Variants in PLPPR1 observed in about 807,000 individuals in gnomAD.
PLPPR1 encodes phospholipid phosphatase-related protein type 1.
PLPPR1 carries 10 observed loss-of-function variants against 33.1 expected under a neutral mutation model. The ratio of observed to expected loss-of-function variants is 0.30; its 90% CI spans 0.19 to 0.51. The LOEUF (loss-of-function observed/expected upper bound fraction) is 0.51, where lower values mean the gene tolerates loss of function less well. PLPPR1 is among the 20% of genes least tolerant of loss of function. The pLI, the probability that PLPPR1 is intolerant of heterozygous loss-of-function variation, is 0.97. For synonymous variants in PLPPR1, 151 were observed against 151.0 expected, an observed-to-expected ratio of 1.00 and a Z score of 0.00; for missense variants, 304 against 408.1, an observed-to-expected ratio of 0.74 and a Z score of 2.20.
chr9:101,152,711 A>ATG (rs201264665), intron 1 of PLPPR1, among the ~76,000 whole-genome samples: 22,063 of 151,814 alleles, frequency 0.15, 1,749 homozygotes, highest in East Asian at 0.3. Context: ...ATGGTGGTAG[A>ATG]TGTGTGGTAT....
chr9:101,079,264 T>C (rs984858642), intron 1 of PLPPR1, among the ~76,000 whole-genome samples: 1 of 152,218 alleles, frequency 6.6e-6, no homozygotes, highest in African/African-American at 2.4e-5. Context: ...CCCTTTGCTG[T>C]CATCCTGGAG....
chr9:101,130,906 G>C (rs1831306479), intron 1 of PLPPR1, among the ~76,000 whole-genome samples: 1 of 152,144 alleles, frequency 6.6e-6, no homozygotes, highest in African/African-American at 2.4e-5. Flanking sequence ...TATGAGCTCA[G>C]CCTCTTACTA....
intron 2 of PLPPR1, among the ~76,000 whole-genome samples, chr9:101,250,672 G>A (rs887523916): frequency 1.8e-4 from 27 of 151,976 alleles, no homozygotes; most frequent in Non-Finnish European, 3.4e-4. Flanking sequence ...CACTAACCCT[G>A]CCTCCTTGCT....
intron 1 of PLPPR1, among the ~76,000 whole-genome samples, chr9:101,121,856 T>C (rs1831181601): frequency 6.6e-6 from 1 of 152,204 alleles, no homozygotes; most frequent in African/African-American, 2.4e-5. Flanking sequence ...GTATCTACTC[T>C]TCTTTAGATA....
At chr9:101,128,444 T>G (rs1285388500) in intron 1 of PLPPR1, among the ~76,000 whole-genome samples, 1 of 152,236 alleles carries the variant, frequency 6.6e-6, no homozygotes, top group African/African-American at 2.4e-5. Flanking sequence ...TCTTGTCATA[T>G]TTGAACCAAT....
At chr9:101,120,600 CCTT>C (rs747044462) in intron 1 of PLPPR1, among the ~76,000 whole-genome samples, 1 of 152,152 alleles carries the variant, frequency 6.6e-6, no homozygotes, top group Non-Finnish European at 1.5e-5. Flanking sequence ...AGTGCCATCT[CCTT>C]CTTTTATCTT....
At chr9:101,217,097 T>C (rs1229543154) in intron 2 of PLPPR1, among the ~76,000 whole-genome samples, 2 of 152,144 alleles carry the variant, frequency 1.3e-5, no homozygotes, top group African/African-American at 4.8e-5. Context: ...TACATTAAAA[T>C]TAATGCTGTG....
At chr9:101,125,142 C>G (rs1328757650) in intron 1 of PLPPR1, among the ~76,000 whole-genome samples, 2 of 151,038 alleles carry the variant, frequency 1.3e-5, no homozygotes, top group Admixed American at 1.3e-4. Context: ...TATTGCTAGT[C>G]TTTGCTTTTG....
intron 1 of PLPPR1, among the ~76,000 whole-genome samples, chr9:101,031,598 T>C (rs1829946643): frequency 6.6e-6 from 1 of 152,166 alleles, no homozygotes; most frequent in Non-Finnish European, 1.5e-5. Flanking sequence ...AAGTAAAAAA[T>C]GGTCCCAATC....
intron 2 of PLPPR1, among the ~76,000 whole-genome samples, chr9:101,262,069 T>G (rs1414318944): frequency 1.3e-5 from 2 of 152,144 alleles, no homozygotes; most frequent in Non-Finnish European, 2.9e-5. Flanking sequence ...TGCCCATTAG[T>G]TTTTAGAAAC....
intron 2 of PLPPR1, among the ~76,000 whole-genome samples, chr9:101,239,729 G>A (rs200498541): frequency 2.0e-5 from 3 of 151,682 alleles, no homozygotes; most frequent in Non-Finnish European, 2.9e-5. Context: ...ATGTCTATTC[G>A]GATCATTTGT....
At chr9:101,266,411 AG>A (rs1014890750) in intron 2 of PLPPR1, among the ~76,000 whole-genome samples, 2,632 of 148,248 alleles carry the variant, frequency 0.018, 99 homozygotes, top group African/African-American at 0.059. Context: ...AAAAAAAGAA[AG>A]AAAGAAAGAA....
chr9:101,317,397 G>C lies in PLPPR1; in HGVS notation c.846G>C (p.Thr282=), dbSNP rs533546396. The C allele has an allele frequency of 2.5e-6, 4 of 1,614,014 alleles. No homozygotes were observed. Among genetic ancestry groups the C allele is most frequent in the Non-Finnish European group, 3.4e-6 (4 of 1,179,974 alleles). Residue 282 remains threonine, a synonymous_variant, in exon 7 of 8, where the codon ACG becomes ACC. Coordinates refer to ENST00000374874, the MANE Select transcript of PLPPR1 (RefSeq NM_207299.2). ...GMCVVHNFKG[T]QGSPSKPKPE... ...GTGTGGTTCATAACTTTAAAGGAAC[G>C]CAAGGATCTCCTTCCAAACCCAAGC...
At chr9:101,167,141 G>GGGGTGTGTGTGTGT (rs1297322438) in intron 1 of PLPPR1, among the ~76,000 whole-genome samples, 1 of 39,648 alleles carries the variant, frequency 2.5e-5, no homozygotes. Flanking sequence ...TATGTCTCTC[G>GGGGTGTGTGTGTGT]GTGTGTGTGT....
At chr9:101,061,317 T>A (rs2094274084) in intron 1 of PLPPR1, among the ~76,000 whole-genome samples, 1 of 151,974 alleles carries the variant, frequency 6.6e-6, no homozygotes, top group Admixed American at 6.6e-5. Context: ...TTCATCCCAT[T>A]AACTTTCATT....
At chr9:101,098,812 G>C (rs1830855494) in intron 1 of PLPPR1, among the ~76,000 whole-genome samples, 1 of 152,146 alleles carries the variant, frequency 6.6e-6, no homozygotes, top group Admixed American at 6.6e-5. Context: ...TTGTGGTCTT[G>C]GTTCATTAAT....
chr9:101,100,697 C>CGTGTGTGTGTGTGTGTGTGT (rs56760066), intron 1 of PLPPR1, among the ~76,000 whole-genome samples: 2 of 146,824 alleles, frequency 1.4e-5, no homozygotes, highest in Admixed American at 1.4e-4. Context: ...CTCTTTGTTC[C>CGTGTGTGTGTGTGTGTGTGT]GTGTGTGTGT....
At chr9:101,179,301 A>G (rs1826064457) in intron 1 of PLPPR1, among the ~76,000 whole-genome samples, 2 of 152,120 alleles carry the variant, frequency 1.3e-5, no homozygotes, top group African/African-American at 4.8e-5. Flanking sequence ...AAAAAGCACA[A>G]CCTGCTGAGT....
rs190271192 is a variant in PLPPR1, at chr9:101,039,045, G to T, written c.-46+9943G>T. 1.5e-4 allele frequency among the ~76,000 whole-genome samples: 23 copies of T among 152,228 alleles called. No individual in the cohort carries two copies. In the East Asian group the frequency reaches 4.2e-3, roughly 28 times the overall value. ...TTAAGGAATGAATTCCAAGATAAAT[G>T]AATTTTACCTGCTAATTTTAATCAA... is the stretch of plus-strand genomic sequence containing the variant. On this transcript the variant is annotated intron_variant, in intron 1 of 7. Coordinates refer to ENST00000374874, the MANE Select transcript of PLPPR1 (RefSeq NM_207299.2).
Sources: allele counts gnomAD v4.1 joint callset (sites outside exome capture counted in the v4.1 genomes callset), GRCh38; gene constraint gnomAD v4.1.1; transcripts MANE v1.5; gene names NCBI Gene and HGNC (gene_info 2026-07-23, HGNC 2026-07-21).